The following CDH4 variants were observed in gnomAD, a reference collection of about 807,000 sequenced individuals.
CDH4 encodes cadherin-4.
CDH4 carries 33 observed loss-of-function variants against 86.0 expected under a neutral mutation model. That is an observed-to-expected ratio of 0.38 (90% CI 0.29 to 0.51). The LOEUF is 0.51. CDH4 is among the 20% of genes least tolerant of loss of function. The pLI is 0.86. For missense variants in CDH4, 1,114 were observed against 1,307.4 expected (o/e 0.85, Z 2.28); for synonymous variants, 555 against 549.4 (o/e 1.01, Z -0.14).
At chr20:61,307,763 G>T (rs1002594607) in intron 2 of CDH4, among the ~76,000 whole-genome samples, 1 of 152,180 alleles carries the variant, frequency 6.6e-6, no homozygotes, top group South Asian at 2.1e-4. Context: ...CTGGTGTCCT[G>T]CAGGGCTGGA....
intron 2 of CDH4, among the ~76,000 whole-genome samples, chr20:61,398,083 T>C (rs571380392): frequency 6.6e-6 from 1 of 152,162 alleles, no homozygotes; most frequent in African/African-American, 2.4e-5. Context: ...CCGATTCACT[T>C]GCTGTGTTCA....
At chr20:61,757,282 C>T (rs965167610) in intron 3 of CDH4, among the ~76,000 whole-genome samples, 2 of 151,998 alleles carry the variant, frequency 1.3e-5, no homozygotes, top group African/African-American at 4.8e-5. Context: ...GGGTGGTGGG[C>T]CGTCAGTATT....
chr20:61,544,562 G>T lies in CDH4; in HGVS notation c.170-199001G>T, dbSNP rs925168984. Among the ~76,000 whole-genome samples, 1 of 151,718 alleles carries T rather than the reference G, an allele frequency of 6.6e-6. No homozygotes were observed. ...CAGCCGCCAAGCAGAGACGGTGACG[G>T]GATCCCTGCGTTGACGGTGGCATGA... On this transcript the variant is annotated intron_variant, in intron 2 of 15. Coordinates refer to ENST00000614565, the MANE Select transcript of CDH4 (RefSeq NM_001794.5). The surrounding 1 kb of genome is among the most constrained non-coding windows in gnomAD (Gnocchi z 6.5).
At chr20:61,339,151 T>C (rs1338759572) in intron 2 of CDH4, among the ~76,000 whole-genome samples, 9 of 152,258 alleles carry the variant, frequency 5.9e-5, no homozygotes. Context: ...GTATTGTTTA[T>C]ATGATGTTTA....
intron 2 of CDH4, among the ~76,000 whole-genome samples, chr20:61,683,519 G>A (rs2087542487): frequency 1.3e-5 from 2 of 152,180 alleles, no homozygotes; most frequent in African/African-American, 4.8e-5. Flanking sequence ...GATGGTACCA[G>A]AACGGGGTGC....
intron 2 of CDH4, among the ~76,000 whole-genome samples, chr20:61,294,553 C>G (rs564638054): frequency 2.0e-5 from 3 of 152,264 alleles, no homozygotes; most frequent in Non-Finnish European, 2.9e-5. Flanking sequence ...AACTGGCCCA[C>G]GGTCACCATC....
chr20:61,928,279 C>A lies in CDH4; in HGVS notation c.1861C>A (p.Gln621Lys), dbSNP rs2122991342. ...NAPELLPKEAQICEKPNLNAI... is the reference protein window; with the variant it reads ...NAPELLPKEAKICEKPNLNAI... Reference sequence around the variant, plus strand: ...CCCTGAGCTGCTGCCCAAGGAGGCGCAGATCTGCGAGAAGCCCAACCTGAA... The same window carrying A: ...CCCTGAGCTGCTGCCCAAGGAGGCGAAGATCTGCGAGAAGCCCAACCTGAA... Residue 621 changes from glutamine (Q) to lysine (K), a missense_variant, in exon 12 of 16, where the codon CAG becomes AAG. Transcript: ENST00000614565. 1 of 1,609,912 alleles carries A rather than the reference C, an allele frequency of 6.2e-7. No homozygotes were observed. Among genetic ancestry groups the A allele is most frequent in the South Asian group, 1.1e-5 (1 of 91,088 alleles).
chr20:61,565,106 GGTGGTGC>G lies in CDH4; in HGVS notation c.170-178456_170-178450del, dbSNP rs1568688071. Reference sequence around the variant, plus strand: ...TGGTGGTGCTCTTGGTGGTGCTCTTGGTGGTGCTGGTGCTCTTGGTGGTGCTGGTCCT... The same window carrying G: ...TGGTGGTGCTCTTGGTGGTGCTCTTGTGGTGCTCTTGGTGGTGCTGGTCCT... On this transcript the variant is annotated intron_variant, in intron 2 of 15. Transcript: ENST00000614565. Among the ~76,000 whole-genome samples, 32 of 132,936 alleles carry G rather than the reference GGTGGTGC, an allele frequency of 2.4e-4. 3 individuals are homozygous for G. The East Asian group carries it at 5.8e-3, about 24-fold the overall frequency. 87.2% of individuals were successfully genotyped at this position (132,936 alleles called of 152,430 possible).
At chr20:61,692,648 C>T (rs1347620234) in intron 2 of CDH4, among the ~76,000 whole-genome samples, 9 of 152,282 alleles carry the variant, frequency 5.9e-5, no homozygotes, top group East Asian at 1.9e-4. Context: ...TCCCCAGGCA[C>T]GGAAGTGTGA....
intron 3 of CDH4, among the ~76,000 whole-genome samples, chr20:61,757,358 G>C (rs1456130364): frequency 1.3e-5 from 2 of 152,258 alleles, no homozygotes; most frequent in Admixed American, 1.3e-4. Context: ...GGGTGCGAAG[G>C]ACGGGAGTGA....
In CDH4 at chr20:61,807,871, C is replaced by G. The variant is rs2146041532; in HGVS notation, c.576+34689C>G. On this transcript the variant is annotated intron_variant, in intron 4 of 15. Transcript: ENST00000614565. The surrounding 1 kb of genome is among the most constrained non-coding windows in gnomAD (Gnocchi z 4.5). ...TCGCTTTCGTTAGGTTAGAGGCCGT[C>G]CACTGGGCAGCAGGCTGTGGGCCTG... Among the ~76,000 whole-genome samples the G allele has an allele frequency of 6.6e-6, 1 of 152,330 alleles. No individual in the cohort carries two copies. Among genetic ancestry groups the G allele is most frequent in the African/African-American group, 2.4e-5 (1 of 41,590 alleles).
intron 2 of CDH4, among the ~76,000 whole-genome samples, chr20:61,573,208 A>G (rs553290104): frequency 5.9e-5 from 9 of 152,142 alleles, no homozygotes; most frequent in Non-Finnish European, 1.3e-4. Flanking sequence ...GCTGAGTGTT[A>G]AAGCCCAGAG....
chr20:61,657,895 G>A, intron 2 of CDH4, among the ~76,000 whole-genome samples: 1 of 152,158 alleles, frequency 6.6e-6, no homozygotes, highest in East Asian at 1.9e-4. Flanking sequence ...TGCCGGGCCT[G>A]GGAAGGACAC....
chr20:61,864,785 C>G (rs1440714198), intron 6 of CDH4, among the ~76,000 whole-genome samples: 1 of 152,222 alleles, frequency 6.6e-6, no homozygotes, highest in Non-Finnish European at 1.5e-5. Context: ...CCTGAATCCA[C>G]TGACAAACCA....
intron 2 of CDH4, among the ~76,000 whole-genome samples, chr20:61,554,285 G>A (rs1215258433): frequency 6.6e-6 from 1 of 152,112 alleles, no homozygotes; most frequent in Non-Finnish European, 1.5e-5. Context: ...TAGGTGAATC[G>A]GACTCTCAGC....
intron 2 of CDH4, among the ~76,000 whole-genome samples, chr20:61,711,683 G>C (rs554657744): frequency 6.6e-6 from 1 of 152,318 alleles, no homozygotes; most frequent in South Asian, 2.1e-4. Flanking sequence ...CATAGTCACA[G>C]GTCTGGGATT....
chr20:61,585,930 ATGGTGATGAGG>A (rs1029563883), intron 2 of CDH4, among the ~76,000 whole-genome samples: 23 of 147,742 alleles, frequency 1.6e-4, no homozygotes, highest in African/African-American at 5.5e-4. Flanking sequence ...GATGATGGTG[ATGGTGATGAGG>A]TGGTGATGAG....
chr20:61,489,139 C>G (rs1420539497), intron 2 of CDH4, among the ~76,000 whole-genome samples: 1 of 152,124 alleles, frequency 6.6e-6, no homozygotes, highest in Non-Finnish European at 1.5e-5. Context: ...TAACACGAGT[C>G]GCCTCTTCTC....
At chr20:61,827,062 G>A (rs1568836965) in intron 4 of CDH4, among the ~76,000 whole-genome samples, 1 of 152,012 alleles carries the variant, frequency 6.6e-6, no homozygotes, top group South Asian at 2.1e-4. Context: ...ATGAACAAAT[G>A]TGGGGAAGGA....
Sources: allele counts gnomAD v4.1 joint callset (sites outside exome capture counted in the v4.1 genomes callset), GRCh38; gene constraint gnomAD v4.1.1; non-coding constraint Gnocchi (gnomAD v3.1); transcripts MANE v1.5; gene names NCBI Gene and HGNC (gene_info 2026-07-23, HGNC 2026-07-21).